The following PARD3 variants were observed in gnomAD, a reference collection of about 807,000 sequenced individuals.
PARD3 encodes the protein par-3 family cell polarity regulator.
In PARD3, 75 loss-of-function variants were observed where a neutral mutation model predicts 155.4. The observed-to-expected ratio is 0.48, with a 90% confidence interval of 0.40 to 0.58. The LOEUF is 0.58. Among genes scored for constraint, PARD3 ranks in the 20% least tolerant of loss-of-function variants. The probability of loss-of-function intolerance (pLI) is 0.00; values close to 1 mark genes in which losing one functional copy is unlikely to be tolerated. For synonymous variants in PARD3, 576 were observed against 610.5 expected, an observed-to-expected ratio of 0.94 and a Z score of 0.83; for missense variants, 1,642 against 1,721.7, an observed-to-expected ratio of 0.95 and a Z score of 0.82.
intron 22 of PARD3, among the ~76,000 whole-genome samples, chr10:34,267,000 C>A (rs959933226): frequency 6.6e-6 from 1 of 152,116 alleles, no homozygotes; most frequent in Non-Finnish European, 1.5e-5. Flanking sequence ...TCATGTGGGA[C>A]TTCTGAGCTG....
intron 12 of PARD3, among the ~76,000 whole-genome samples, chr10:34,367,718 C>T (rs1000327213): frequency 3.9e-5 from 6 of 152,152 alleles, no homozygotes; most frequent in African/African-American, 1.4e-4. Context: ...CACATACACA[C>T]ACACAAACAA....
chr10:34,638,180 A>C (rs2092550434), intron 2 of PARD3, among the ~76,000 whole-genome samples: 1 of 152,224 alleles, frequency 6.6e-6, no homozygotes, highest in African/African-American at 2.4e-5. Context: ...ATTCACAGCA[A>C]GGAAAGAAAT....
intron 21 of PARD3, among the ~76,000 whole-genome samples, chr10:34,276,014 A>G (rs1955860399): frequency 6.6e-6 from 1 of 152,152 alleles, no homozygotes; most frequent in Non-Finnish European, 1.5e-5. Flanking sequence ...TATTGCTTTA[A>G]ACATTTCAGT....
intron 1 of PARD3, among the ~76,000 whole-genome samples, chr10:34,749,640 G>GA (rs1835739461): frequency 2.0e-5 from 3 of 152,136 alleles, no homozygotes; most frequent in Admixed American, 2.0e-4. Context: ...GAAGATAAGT[G>GA]AAAGAGCATT....
At chr10:34,714,457 C>T (rs534434487) in intron 1 of PARD3, among the ~76,000 whole-genome samples, 1 of 152,160 alleles carries the variant, frequency 6.6e-6, no homozygotes, top group Non-Finnish European at 1.5e-5. Flanking sequence ...ATCCAGCACA[C>T]CCCACACTGC....
chr10:34,341,784 G>C lies in PARD3; in HGVS notation c.2251C>G (p.Pro751Ala), dbSNP rs753724062. Residue 751 changes from proline to alanine, a missense_variant, in exon 16 of 25, where the codon CCC becomes GCC. Pro to Ala is a conservative substitution (Grantham distance 27, BLOSUM62 -1). This residue lies in a region of PARD3 where 1,529 missense variants were observed against 1,587.3 expected (regional missense o/e 0.96). Coordinates refer to ENST00000374788, the MANE Select transcript of PARD3 (RefSeq NM_001184785.2). ...KYQLSPTVNM[P>A]QDDTVIIEDD... ...TCTATAATGACAGTGTCATCTTGGG[G>C]CATATTCACTGTAGGGGACAGCTGG... 8.7e-6 allele frequency: 14 copies of C among 1,612,844 alleles called. No individual in the cohort carries two copies. Among genetic ancestry groups the C allele is most frequent in the Non-Finnish European group, 1.2e-5 (14 of 1,179,056 alleles).
chr10:34,725,059 G>C (rs1219559297), intron 1 of PARD3, among the ~76,000 whole-genome samples: 1 of 151,758 alleles, frequency 6.6e-6, no homozygotes, highest in African/African-American at 2.4e-5. Flanking sequence ...AGTAACAAGA[G>C]TCCCTTACTC....
chr10:34,575,070 C>G (rs1328231095), intron 2 of PARD3, among the ~76,000 whole-genome samples: 1 of 152,108 alleles, frequency 6.6e-6, no homozygotes, highest in African/African-American at 2.4e-5. Flanking sequence ...ATAGCTCATG[C>G]CTGGGCTCAA....
chr10:34,384,377 C>T, intron 7 of PARD3, 123 bp from the exon 8 acceptor site: 1 of 898,160 alleles, frequency 1.1e-6, no homozygotes, highest in Non-Finnish European at 1.7e-6. Flanking sequence ...GTTAAAATGA[C>T]TATTCATACA....
chr10:34,469,562 A>C (rs1303197484), intron 4 of PARD3, among the ~76,000 whole-genome samples: 1 of 152,236 alleles, frequency 6.6e-6, no homozygotes, highest in East Asian at 1.9e-4. Flanking sequence ...ACTTAGGATA[A>C]AACGATCAAC....
At chr10:34,133,788 A>G (rs1947742442) in intron 22 of PARD3, among the ~76,000 whole-genome samples, 1 of 152,244 alleles carries the variant, frequency 6.6e-6, no homozygotes, top group Non-Finnish European at 1.5e-5. Flanking sequence ...ATGTTCATGT[A>G]CAGGATCATC....
At chr10:34,521,940 CCTCT>C (rs1391694604) in intron 2 of PARD3, among the ~76,000 whole-genome samples, 2 of 152,172 alleles carry the variant, frequency 1.3e-5, no homozygotes, top group East Asian at 1.9e-4. Flanking sequence ...AATCCAGTGG[CCTCT>C]CTAACACCTC....
chr10:34,170,093 G>T (rs895840422), intron 22 of PARD3, among the ~76,000 whole-genome samples: 1 of 152,136 alleles, frequency 6.6e-6, no homozygotes, highest in Non-Finnish European at 1.5e-5. Flanking sequence ...TACTTTTGTT[G>T]TTGCTATTTT....
intron 9 of PARD3, 54 bp from the exon 10 acceptor site, chr10:34,378,160 C>T: frequency 7.3e-7 from 1 of 1,371,842 alleles, no homozygotes. Context: ...TTGAATTTTA[C>T]AGGTGTATTG....
chr10:34,812,110 A>C (rs1030872829), intron 1 of PARD3, among the ~76,000 whole-genome samples: 1 of 152,232 alleles, frequency 6.6e-6, no homozygotes. Flanking sequence ...ACACTTCACT[A>C]TCCAGAAAAA....
At chr10:34,783,604 C>T (rs78966273) in intron 1 of PARD3, among the ~76,000 whole-genome samples, 1 of 76,248 alleles carries the variant, frequency 1.3e-5, no homozygotes, top group Admixed American at 1.8e-4. Flanking sequence ...ACTCCGTCTT[C>T]AAAAAAAAAA....
intron 23 of PARD3, among the ~76,000 whole-genome samples, chr10:34,123,609 A>T (rs7918987): frequency 6.6e-6 from 1 of 151,172 alleles, no homozygotes; most frequent in Non-Finnish European, 1.5e-5. Flanking sequence ...TTTTCTTTTT[A>T]ATTTTTGTAG....
chr10:34,225,667 C>T (rs1012939101), intron 22 of PARD3, among the ~76,000 whole-genome samples: 8 of 152,064 alleles, frequency 5.3e-5, no homozygotes, highest in Non-Finnish European at 8.8e-5. Flanking sequence ...TTTTAATTAT[C>T]GGTTAAAACA....
chr10:34,333,035 G>C (rs1189354747), intron 18 of PARD3, among the ~76,000 whole-genome samples: 1 of 152,124 alleles, frequency 6.6e-6, no homozygotes, highest in Non-Finnish European at 1.5e-5. Flanking sequence ...AGATCCTTTT[G>C]TGAATAAATG....
Sources: allele counts gnomAD v4.1 joint callset (sites outside exome capture counted in the v4.1 genomes callset), GRCh38; gene constraint gnomAD v4.1.1; regional missense constraint gnomAD v4.1.1; transcripts MANE v1.5; gene names NCBI Gene and HGNC (gene_info 2026-07-23, HGNC 2026-07-21).